RBM6: variants seen among roughly 807,000 people sequenced by gnomAD.
RBM6 encodes RNA-binding protein 6.
RBM6 carries 23 observed loss-of-function variants against 140.4 expected under a neutral mutation model. The ratio of observed to expected loss-of-function variants is 0.16; its 90% CI spans 0.12 to 0.23. The LOEUF (loss-of-function observed/expected upper bound fraction) is 0.23, where lower values mean the gene tolerates loss of function less well. RBM6 is among the 10% of genes least tolerant of loss of function. RBM6 has a pLI of 1.00. For synonymous variants in RBM6, 439 were observed against 475.6 expected (o/e 0.92, Z 1.00); for missense variants, 1,139 against 1,386.7 (o/e 0.82, Z 2.84).
At chr3:49,970,542 G>T (rs1403694591) in intron 3 of RBM6, among the ~76,000 whole-genome samples, 1 of 152,270 alleles carries the variant, frequency 6.6e-6, no homozygotes, top group East Asian at 1.9e-4. Flanking sequence ...AATTCATTGA[G>T]AGAATACTTA....
chr3:50,064,322 T>C (rs1040302272), intron 15 of RBM6, among the ~76,000 whole-genome samples: 1 of 152,156 alleles, frequency 6.6e-6, no homozygotes, highest in Non-Finnish European at 1.5e-5. Context: ...AGAGTCATAC[T>C]GATTTAATAT....
At chr3:50,012,420 T>G (rs1377799203) in intron 6 of RBM6, among the ~76,000 whole-genome samples, 1 of 150,986 alleles carries the variant, frequency 6.6e-6, no homozygotes. Flanking sequence ...TGCAGTGGCG[T>G]GATCTCAGCT....
intron 6 of RBM6, among the ~76,000 whole-genome samples, chr3:50,008,528 C>T (rs1039215063): frequency 2.0e-5 from 3 of 149,852 alleles, no homozygotes; most frequent in African/African-American, 7.3e-5. Context: ...GCTTCATTAC[C>T]TCCTGGCTCT....
At chr3:49,958,682 T>G (rs1321571611) in intron 1 of RBM6, among the ~76,000 whole-genome samples, 4 of 142,426 alleles carry the variant, frequency 2.8e-5, no homozygotes, top group African/African-American at 5.3e-5. Flanking sequence ...ACCCAGGAGG[T>G]GGAGCTTGCA....
At chr3:49,990,146 C>T (rs190166910) in intron 5 of RBM6, among the ~76,000 whole-genome samples, 1 of 152,204 alleles carries the variant, frequency 6.6e-6, no homozygotes, top group African/African-American at 2.4e-5. Context: ...TCATGCATTG[C>T]ATAATGACAG....
At chr3:50,004,659 G>C (rs1028564466) in intron 6 of RBM6, among the ~76,000 whole-genome samples, 2 of 151,850 alleles carry the variant, frequency 1.3e-5, no homozygotes, top group South Asian at 2.1e-4. Context: ...CTGTTCTGTT[G>C]CTCAGGCTGG....
chr3:49,951,463 A>G lies in RBM6; in HGVS notation c.-66-11113A>G, dbSNP rs887599490. ...GGCTGGTCTCGAACTCCTGAGCTCAAGCATCAAGCAATCTACCTTTTTCAG... is the reference window on the plus strand; with the variant it reads ...GGCTGGTCTCGAACTCCTGAGCTCAGGCATCAAGCAATCTACCTTTTTCAG... On this transcript the variant is annotated intron_variant, in intron 1 of 20. Coordinates refer to ENST00000266022, the MANE Select transcript of RBM6 (RefSeq NM_005777.3). Among the ~76,000 whole-genome samples, 12 of 152,118 alleles carry G rather than the reference A, an allele frequency of 7.9e-5. No individual in the cohort carries two copies. In the East Asian group the frequency reaches 1.2e-3, roughly 15 times the overall value.
At chr3:49,993,096 A>G (rs556348893) in intron 5 of RBM6, among the ~76,000 whole-genome samples, 4 of 152,138 alleles carry the variant, frequency 2.6e-5, no homozygotes, top group Non-Finnish European at 5.9e-5. Context: ...CATGACTTCC[A>G]TTAGATTAAA....
At chr3:50,075,418 T>C in intron 20 of RBM6, 88 bp downstream of exon 20, 1 of 1,520,450 alleles carries the variant, frequency 6.6e-7, no homozygotes, top group Non-Finnish European at 8.9e-7. Context: ...GTCTTTGCCA[T>C]TTTGCTGGGC....
chr3:50,024,699 A>G (rs1254619918), intron 6 of RBM6, among the ~76,000 whole-genome samples: 1 of 152,240 alleles, frequency 6.6e-6, no homozygotes, highest in Non-Finnish European at 1.5e-5. Flanking sequence ...CACGCCTGTT[A>G]TCCCAGCACT....
chr3:50,038,330 C>A (rs1181021895), intron 6 of RBM6, among the ~76,000 whole-genome samples: 1 of 152,156 alleles, frequency 6.6e-6, no homozygotes, highest in Non-Finnish European at 1.5e-5. Context: ...TTATTATATT[C>A]TTTGGTAAAC....
At chr3:49,998,161 T>C (rs750254816) in intron 5 of RBM6, among the ~76,000 whole-genome samples, 1 of 152,244 alleles carries the variant, frequency 6.6e-6, no homozygotes, top group Non-Finnish European at 1.5e-5. Context: ...TTGTTATTAG[T>C]AAAACATTTT....
At chr3:50,061,115 A>G in intron 12 of RBM6, 25 bp from the exon 13 acceptor site, 1 of 1,614,046 alleles carries the variant, frequency 6.2e-7, no homozygotes, top group Non-Finnish European at 8.5e-7. Context: ...TAGTTCTGTA[A>G]TTTTAACTTG....
intron 7 of RBM6, 32 bp downstream of exon 7, chr3:50,048,351 A>T (rs773066339): frequency 2.1e-5 from 34 of 1,599,940 alleles, no homozygotes; most frequent in Non-Finnish European, 2.8e-5. Context: ...CTTTAGAAGT[A>T]AGTATCTGGA....
In RBM6 at chr3:50,066,338, C is replaced by A; in HGVS notation, c.2779C>A (p.Gln927Lys). 1.2e-6 allele frequency: 2 copies of A among 1,614,128 alleles called. No homozygotes were observed. Among genetic ancestry groups the A allele is most frequent in the Non-Finnish European group, 1.7e-6 (2 of 1,180,032 alleles). ...EEEEEQTPPP[Q>K]PRTAQPQKRE... is the part of the protein sequence containing the mutation. ...AGAGGAGGAACAGACCCCTCCCCCA[C>A]AGCCCCGCACAGCACAGCCCCAGAA... Residue 927 changes from glutamine (Q) to lysine (K), a missense_variant, in exon 17 of 21, where the codon CAG (glutamine) becomes AAG (lysine). Physicochemically the swap from Gln to Lys is moderately conservative, Grantham distance 53 (BLOSUM62 1). Coordinates refer to ENST00000266022, the MANE Select transcript of RBM6 (RefSeq NM_005777.3).
chr3:49,963,111 C>CAAAAAAAAAA (rs1219576596), intron 2 of RBM6: 22 of 67,280 alleles, frequency 3.3e-4, no homozygotes, highest in Middle Eastern at 8.8e-3. Flanking sequence ...AAAACAAAAA[C>CAAAAAAAAAA]AAAAAAAAAA....
intron 16 of RBM6, among the ~76,000 whole-genome samples, chr3:50,065,390 G>A (rs73832795): frequency 0.033 from 4,994 of 152,280 alleles, 307 homozygotes; most frequent in African/African-American, 0.12. Flanking sequence ...GAGATGCCTA[G>A]CCCTTTTTAT....
chr3:49,976,559 T>C (rs889514786), intron 5 of RBM6, among the ~76,000 whole-genome samples: 4 of 152,216 alleles, frequency 2.6e-5, no homozygotes, highest in African/African-American at 9.6e-5. Flanking sequence ...TTATACATGC[T>C]TTCTTTGGGA....
chr3:49,952,878 C>G (rs2083800708), intron 1 of RBM6, among the ~76,000 whole-genome samples: 1 of 152,106 alleles, frequency 6.6e-6, no homozygotes, highest in African/African-American at 2.4e-5. Context: ...GTAATTTGCA[C>G]AAATTTTCTC....
Sources: gnomAD v4.1 joint callset for allele counts (sites outside exome capture counted in the v4.1 genomes callset) on GRCh38, gnomAD v4.1.1 for gene constraint, MANE v1.5 for transcripts, NCBI Gene and HGNC (gene_info 2026-07-23, HGNC 2026-07-21) for gene names.